The following HJURP variants were observed in gnomAD, a reference collection of about 807,000 sequenced individuals.
HJURP encodes the protein Holliday junction recognition protein.
In HJURP, 49 loss-of-function variants were observed where a neutral mutation model predicts 72.0. The observed-to-expected ratio is 0.68, with a 90% CI of 0.54 to 0.86. The LOEUF (loss-of-function observed/expected upper bound fraction) is 0.86. HJURP is among the 40% of genes least tolerant of loss of function. HJURP has a pLI of 0.00. For missense variants in HJURP, 908 were observed against 936.3 expected (o/e 0.97, Z 0.39); for synonymous variants, 357 against 347.1 (o/e 1.03, Z -0.32).
intron 8 of HJURP, among the ~76,000 whole-genome samples, chr2:233,840,026 G>A (rs1705180591): frequency 6.6e-6 from 1 of 152,124 alleles, no homozygotes; most frequent in African/African-American, 2.4e-5. Flanking sequence ...AGAGAAAAGG[G>A]CACACGCAGA....
chr2:233,838,868 T>G (rs1403531661), intron 8 of HJURP, among the ~76,000 whole-genome samples: 1 of 152,142 alleles, frequency 6.6e-6, no homozygotes, highest in Non-Finnish European at 1.5e-5. Context: ...CGGCTGGTGG[T>G]TTGGTCTGAA....
intron 2 of HJURP, 66 bp from the exon 3 acceptor site, chr2:233,852,686 G>A: frequency 8.3e-7 from 1 of 1,204,204 alleles, no homozygotes; most frequent in Non-Finnish European, 1.2e-6. Context: ...CTCAATCTGT[G>A]TTCACCAGAT....
chr2:233,842,255 A>G, intron 7 of HJURP, 50 bp from the exon 8 acceptor site: 1 of 1,470,928 alleles, frequency 6.8e-7, no homozygotes, highest in Non-Finnish European at 9.2e-7. Flanking sequence ...ATTCTAAACC[A>G]TCCATGTGCA....
At chr2:233,844,618 A>G (rs1198472738) in intron 6 of HJURP, among the ~76,000 whole-genome samples, 2 of 152,166 alleles carry the variant, frequency 1.3e-5, no homozygotes, top group Non-Finnish European at 2.9e-5. Flanking sequence ...CGGACGGTGG[A>G]CAAAGAAGAC....
chr2:233,848,538 A>C (rs1250914619), intron 4 of HJURP, among the ~76,000 whole-genome samples: 2 of 152,222 alleles, frequency 1.3e-5, no homozygotes, highest in Non-Finnish European at 2.9e-5. Context: ...CACAAGGCAC[A>C]GGACAGGGAT....
In HJURP at chr2:233,841,201, T is replaced by C. The variant is rs1441956112; in HGVS notation, c.1579A>G (p.Thr527Ala). 1 of 1,614,040 alleles carries C rather than the reference T, an allele frequency of 6.2e-7. No individual in the cohort carries two copies. The highest frequency in any genetic ancestry group is 1.7e-5 in the Admixed American group (1 of 59,986). The change falls in exon 8 of 9, where the codon ACC (threonine) becomes GCC (alanine). Residue 527 changes from threonine (T) to alanine (A), a missense_variant. Transcript: ENST00000411486. ...CGAGTTGCGCTGTGTGTGGGGTTGGTCTTTGGAAGTGATGAAGATGAATCG... is the reference window on the plus strand; with the variant it reads ...CGAGTTGCGCTGTGTGTGGGGTTGGCCTTTGGAAGTGATGAAGATGAATCG... ...KSDSSSSLPK[T>A]NPTHSATRPQ...
chr2:233,849,934 A>G, intron 3 of HJURP, 75 bp from the exon 4 acceptor site: 5 of 850,166 alleles, frequency 5.9e-6, no homozygotes, highest in Non-Finnish European at 9.7e-6. Flanking sequence ...AAAATAATAA[A>G]ACTGCAATCC....
intron 3 of HJURP, among the ~76,000 whole-genome samples, chr2:233,851,587 A>G (rs1705497376): frequency 6.6e-6 from 1 of 152,136 alleles, no homozygotes; most frequent in African/African-American, 2.4e-5. Flanking sequence ...TTAAATAATT[A>G]TATAATTTTA....
intron 3 of HJURP, among the ~76,000 whole-genome samples, chr2:233,850,210 G>T (rs1705466394): frequency 1.3e-5 from 2 of 152,248 alleles, no homozygotes; most frequent in Non-Finnish European, 2.9e-5. Flanking sequence ...GAACAAAATT[G>T]TCCTGAGGTC....
intron 3 of HJURP, among the ~76,000 whole-genome samples, chr2:233,850,619 G>A (rs1411414576): frequency 1.3e-5 from 2 of 152,358 alleles, no homozygotes; most frequent in East Asian, 1.9e-4. Flanking sequence ...GTCCTCAGGT[G>A]TCAACTCTGA....
In HJURP at chr2:233,852,753, A is replaced by T. The variant is rs187697127; in HGVS notation, c.185-133T>A. 1.4e-5 allele frequency: 9 copies of T among 624,952 alleles called. No homozygotes were observed. The East Asian group carries it at 2.6e-4, about 18-fold the overall frequency. 38.7% of individuals were successfully genotyped at this position (624,952 alleles called of 1,614,324 possible). ...ATTAAAACCAAGCCAGGTTTCTGAT[A>T]CCCTGCGATTGTTCCTCTTTGTAAA... On this transcript the variant is annotated intron_variant, in intron 2 of 8. Transcript: ENST00000411486.
intron 5 of HJURP, 54 bp downstream of exon 5, chr2:233,847,337 ATGGACC>A (rs1398726187): frequency 7.5e-7 from 1 of 1,336,136 alleles, no homozygotes; most frequent in African/African-American, 1.4e-5. Flanking sequence ...ATGGGCTTTG[ATGGACC>A]CCTGAGCCCC....
In HJURP at chr2:233,837,662, A is replaced by G; in HGVS notation, c.2172-10T>C. On this transcript the variant is annotated splice_polypyrimidine_tract_variant and intron_variant, in intron 8 of 8. Coordinates refer to ENST00000411486, the MANE Select transcript of HJURP (RefSeq NM_018410.5). The stretch of plus-strand genomic sequence containing the variant: ...AGACGTGTTCTCTCCTCTAGGAAAA[A>G]AAAAAGACAAAGAAAATGATGTTAG... The G allele has an allele frequency of 6.4e-7, 1 of 1,565,358 alleles. No individual in the cohort carries two copies. Among genetic ancestry groups the G allele is most frequent in the Middle Eastern group, 1.7e-4 (1 of 5,928 alleles).
intron 4 of HJURP, among the ~76,000 whole-genome samples, chr2:233,848,894 G>T (rs1024770567): frequency 3.9e-5 from 6 of 152,176 alleles, no homozygotes; most frequent in Admixed American, 6.5e-5. Context: ...TTGGAAGGAC[G>T]AAGACAGAAG....
At position 233,849,856 on chromosome 2, in the gene HJURP, A is replaced by G. The variant is rs763739044; in HGVS notation, c.244T>C (p.Ser82Pro). ...KERNEGEIQD[S>P]SMKPADRTDG... ...GTCCTGTCCGCGGGCTTCATGGAGG[A>G]GTCCTCCAAGTGCAGAAGCCAATAA... The change falls in exon 4 of 9, where the codon TCC becomes CCC. Residue 82 changes from serine to proline, a missense_variant. This residue lies in a region of HJURP where 299 missense variants were observed against 286.7 expected (regional missense o/e 1.04). Coordinates refer to ENST00000411486, the MANE Select transcript of HJURP (RefSeq NM_018410.5). 7 of 1,543,406 alleles carry G rather than the reference A, an allele frequency of 4.5e-6. No homozygotes were observed. The highest frequency in any genetic ancestry group is 6.1e-6 in the Non-Finnish European group (7 of 1,139,750).
In HJURP at chr2:233,840,642, T is replaced by G. The variant is rs773962439; in HGVS notation, c.2138A>C (p.Gln713Pro). 1.1e-5 allele frequency: 18 copies of G among 1,608,084 alleles called. No individual in the cohort carries two copies. The highest frequency in any genetic ancestry group is 1.5e-5 in the Non-Finnish European group (18 of 1,178,344). Reference protein sequence around the residue: ...GVDNTVRPGDQGSSSQPNSEE... With the variant: ...GVDNTVRPGDPGSSSQPNSEE... Reference sequence around the variant, plus strand: ...TGAGTTGGGCTGTGAAGAGCTGCCCTGGTCTCCCGGTCTGACGGTGTTGTC... The same window carrying G: ...TGAGTTGGGCTGTGAAGAGCTGCCCGGGTCTCCCGGTCTGACGGTGTTGTC... The change falls in exon 8 of 9, where the codon CAG (glutamine) becomes CCG (proline). Residue 713 changes from glutamine (Q) to proline (P), a missense_variant. Around this residue, in one of 3 missense-constraint regions of HJURP, gnomAD observed 598 missense variants for 619.5 expected, o/e 0.97. Coordinates refer to ENST00000411486, the MANE Select transcript of HJURP (RefSeq NM_018410.5).
chr2:233,843,809 T>C (rs1200687951), intron 7 of HJURP, among the ~76,000 whole-genome samples: 1 of 152,160 alleles, frequency 6.6e-6, no homozygotes, highest in South Asian at 2.1e-4. Context: ...TTTTTGGAGG[T>C]ATGTGTGAGG....
At position 233,841,275 on chromosome 2, in the gene HJURP, T is replaced by A; in HGVS notation, c.1505A>T (p.Glu502Val). 1.2e-6 allele frequency: 2 copies of A among 1,614,092 alleles called. No homozygotes were observed. Among genetic ancestry groups the A allele is most frequent in the Non-Finnish European group, 1.7e-6 (2 of 1,179,934 alleles). ...AKAKSLSEAF[E>V]NLGKRSLEAG... ...TTCCAGAGATCTTTTGCCTAGGTTT[T>A]CAAAAGCCTCACTTAAACTTTTTGC... Residue 502 changes from glutamate (E) to valine (V), a missense_variant, in exon 8 of 9, where the codon GAA (glutamate) becomes GTA (valine). Glu to Val is a moderately radical substitution (Grantham distance 121). Around this residue, in one of 3 missense-constraint regions of HJURP, gnomAD observed 598 missense variants for 619.5 expected, o/e 0.97. Coordinates refer to ENST00000411486, the MANE Select transcript of HJURP (RefSeq NM_018410.5).
chr2:233,837,967 T>C (rs940846832), intron 8 of HJURP, among the ~76,000 whole-genome samples: 5 of 152,296 alleles, frequency 3.3e-5, no homozygotes, highest in African/African-American at 1.2e-4. Context: ...CTTTTCCATA[T>C]CTATTAAAAG....
Sources: allele counts gnomAD v4.1 joint callset (sites outside exome capture counted in the v4.1 genomes callset), GRCh38; gene constraint gnomAD v4.1.1; regional missense constraint gnomAD v4.1.1; transcripts MANE v1.5; gene names NCBI Gene and HGNC (gene_info 2026-07-23, HGNC 2026-07-21).